The following DPP10 variants were observed in gnomAD, a reference collection of about 807,000 sequenced individuals.
DPP10 encodes dipeptidyl peptidase like 10.
Under a neutral mutation model 120.9 loss-of-function variants are expected in DPP10, and 33 were observed. The ratio of observed to expected loss-of-function variants is 0.27; its 90% CI spans 0.21 to 0.37. The LOEUF is 0.37. Among genes scored for constraint, DPP10 ranks in the 10% least tolerant of loss-of-function variants. The probability of loss-of-function intolerance (pLI) is 1.00; values close to 1 mark genes in which losing one functional copy is unlikely to be tolerated. For missense variants in DPP10, 816 were observed against 942.8 expected (o/e 0.87, Z 1.76); for synonymous variants, 337 against 326.1 (o/e 1.03, Z -0.36).
intron 1 of DPP10, among the ~76,000 whole-genome samples, chr2:114,851,843 A>G (rs1688966119): frequency 6.6e-6 from 1 of 152,174 alleles, no homozygotes; most frequent in South Asian, 2.1e-4. Flanking sequence ...AGGAGACTTG[A>G]GGACCCCTAG....
intron 1 of DPP10, among the ~76,000 whole-genome samples, chr2:114,722,032 A>G (rs1701731875): frequency 6.6e-6 from 1 of 152,178 alleles, no homozygotes; most frequent in Non-Finnish European, 1.5e-5. Flanking sequence ...GCTTAGCTCC[A>G]TAACTAGCTA....
rs1035572791 is a variant in DPP10 at position 115,844,262 on chromosome 2, A to G, written c.*1917A>G. On this transcript the variant is annotated 3_prime_UTR_variant, in exon 26 of 26. Transcript: ENST00000410059. ...ACCAATATTTTAAATTTGAACCACT[A>G]GAGTTTTTTATGATGCAAATGATTA... The G allele has an allele frequency of 6.6e-6, 1 of 152,568 alleles. No individual in the cohort carries two copies. The highest frequency in any genetic ancestry group is 6.6e-5 in the Admixed American group (1 of 15,260). The allele number at this position is 152,568 out of a possible 1,614,324, so 9.5% of individuals were successfully genotyped here. A position where few individuals can be genotyped will look rare whatever the true frequency, so the allele number is the denominator to read the frequency against.
chr2:115,436,926 T>A (rs745853757), intron 3 of DPP10, among the ~76,000 whole-genome samples: 1 of 152,014 alleles, frequency 6.6e-6, no homozygotes, highest in African/African-American at 2.4e-5. Flanking sequence ...AATAGTAAAT[T>A]CAAAATTGTG....
At chr2:115,008,926 A>T (rs929529063) in intron 1 of DPP10, among the ~76,000 whole-genome samples, 1 of 95,632 alleles carries the variant, frequency 1.0e-5, no homozygotes, top group African/African-American at 3.6e-5. Context: ...AAGTCAGGAA[A>T]CAACAGGTGC....
chr2:115,454,139 A>C (rs2073339689), intron 3 of DPP10, among the ~76,000 whole-genome samples: 1 of 151,522 alleles, frequency 6.6e-6, no homozygotes, highest in East Asian at 1.9e-4. Context: ...TCTGTGAAAT[A>C]TTTAAAGAAG....
At chr2:114,933,800 T>A (rs897119300) in intron 1 of DPP10, among the ~76,000 whole-genome samples, 1 of 152,132 alleles carries the variant, frequency 6.6e-6, no homozygotes, top group African/African-American at 2.4e-5. Context: ...ACCCACAGAA[T>A]TTCTGATTCA....
intron 1 of DPP10, among the ~76,000 whole-genome samples, chr2:115,292,948 G>C (rs1396923533): frequency 6.6e-6 from 1 of 152,084 alleles, no homozygotes; most frequent in East Asian, 1.9e-4. Flanking sequence ...CAACTGGCTG[G>C]CTGCCCACGT....
intron 3 of DPP10, among the ~76,000 whole-genome samples, chr2:115,460,139 T>C (rs1374997083): frequency 6.6e-6 from 1 of 151,828 alleles, no homozygotes; most frequent in Non-Finnish European, 1.5e-5. Context: ...GTAATGTGAG[T>C]TTCAATTTTT....
intron 1 of DPP10, among the ~76,000 whole-genome samples, chr2:115,231,059 T>C (rs1454354719): frequency 2.0e-5 from 3 of 152,052 alleles, no homozygotes; most frequent in Non-Finnish European, 4.4e-5. Context: ...ATATATTTCA[T>C]TATTTGAACT....
intron 1 of DPP10, among the ~76,000 whole-genome samples, chr2:114,712,882 A>G (rs1701115251): frequency 1.3e-5 from 2 of 152,016 alleles, no homozygotes; most frequent in African/African-American, 4.8e-5. Context: ...GTATAATATT[A>G]TTTCAAAGTC....
chr2:114,798,957 C>T (rs781061196), intron 1 of DPP10, among the ~76,000 whole-genome samples: 11 of 152,066 alleles, frequency 7.2e-5, no homozygotes, highest in East Asian at 1.9e-4. Flanking sequence ...GGTGAAACCC[C>T]GTCTCTACTA....
chr2:114,986,504 A>T (rs1054783102), intron 1 of DPP10, among the ~76,000 whole-genome samples: 4 of 152,158 alleles, frequency 2.6e-5, no homozygotes, highest in African/African-American at 9.7e-5. Flanking sequence ...CTATGTAGGG[A>T]GTGTAAGAAT....
chr2:114,916,261 C>A (rs947041016), intron 1 of DPP10, among the ~76,000 whole-genome samples: 3 of 151,966 alleles, frequency 2.0e-5, no homozygotes, highest in Non-Finnish European at 4.4e-5. Context: ...ATATAACATG[C>A]TAAGATTGAA....
chr2:115,818,928 T>TG (rs34012760), intron 21 of DPP10, among the ~76,000 whole-genome samples: 288 of 152,178 alleles, frequency 1.9e-3, no homozygotes, highest in Non-Finnish European at 3.1e-3. Flanking sequence ...ATATTCCAGG[T>TG]CAAACAAATA....
At chr2:115,768,133 A>G (rs1367930023) in intron 12 of DPP10, among the ~76,000 whole-genome samples, 164 bp from the exon 13 acceptor site, 1 of 152,202 alleles carries the variant, frequency 6.6e-6, no homozygotes, top group Non-Finnish European at 1.5e-5. Flanking sequence ...TACTTTAAAA[A>G]AGTTTAAAAA....
At chr2:115,630,961 T>C (rs1305184352) in intron 5 of DPP10, among the ~76,000 whole-genome samples, 2 of 151,570 alleles carry the variant, frequency 1.3e-5, no homozygotes, top group East Asian at 3.9e-4. Context: ...TTGTTTGCAA[T>C]AGTTTCAGAA....
intron 1 of DPP10, among the ~76,000 whole-genome samples, chr2:115,232,411 T>C (rs1408228951): frequency 6.6e-6 from 1 of 152,154 alleles, no homozygotes; most frequent in Non-Finnish European, 1.5e-5. Flanking sequence ...TTGGGGATGA[T>C]AATATGATAG....
chr2:115,536,544 A>G (rs984760100), intron 5 of DPP10, among the ~76,000 whole-genome samples: 2 of 151,982 alleles, frequency 1.3e-5, no homozygotes, highest in Non-Finnish European at 2.9e-5. Context: ...TATTTTTTAC[A>G]TTAATTAGTG....
intron 1 of DPP10, among the ~76,000 whole-genome samples, chr2:114,567,963 C>T (rs867378731): frequency 7.4e-5 from 11 of 149,622 alleles, no homozygotes; most frequent in Middle Eastern, 3.4e-3. Flanking sequence ...ACCACTATGA[C>T]AGATGCTTAC....
Sources: gnomAD v4.1 joint callset for allele counts (sites outside exome capture counted in the v4.1 genomes callset) on GRCh38, gnomAD v4.1.1 for gene constraint, MANE v1.5 for transcripts, NCBI Gene and HGNC (gene_info 2026-07-23, HGNC 2026-07-21) for gene names.